The following SYT1 variants were observed in gnomAD, a reference collection of about 807,000 sequenced individuals.
SYT1 encodes the protein synaptotagmin 1, also known as synaptotagmin-1.
In SYT1, 8 loss-of-function variants were observed where a neutral mutation model predicts 44.8. The observed-to-expected ratio is 0.18, with a 90% CI of 0.10 to 0.32. The LOEUF is 0.32. Among genes scored for constraint, SYT1 ranks in the 10% least tolerant of loss-of-function variants. SYT1 has a pLI of 1.00. For missense variants in SYT1, 286 were observed against 509.3 expected (o/e 0.56, Z 4.22); for synonymous variants, 154 against 188.8 (o/e 0.82, Z 1.51).
At chr12:78,962,863 C>T (rs1406335138) in intron 1 of SYT1, among the ~76,000 whole-genome samples, 1 of 152,074 alleles carries the variant, frequency 6.6e-6, no homozygotes, top group Non-Finnish European at 1.5e-5. Flanking sequence ...TTAATGACTT[C>T]CTTTTTCATT....
chr12:79,146,384 T>C (rs1487536661), intron 3 of SYT1, among the ~76,000 whole-genome samples: 1 of 152,210 alleles, frequency 6.6e-6, no homozygotes, highest in Non-Finnish European at 1.5e-5. Context: ...TACTGTCTCA[T>C]TCAATCTTCG....
At chr12:78,913,793 G>C (rs1876483763) in intron 1 of SYT1, among the ~76,000 whole-genome samples, 1 of 151,846 alleles carries the variant, frequency 6.6e-6, no homozygotes, top group Admixed American at 6.6e-5. Context: ...CAGTGATATA[G>C]ATGGTGAACA....
In SYT1 at chr12:79,102,827, T is replaced by A. The variant is rs1031674996; in HGVS notation, c.-18+55465T>A. On this transcript the variant is annotated intron_variant, in intron 3 of 10. Transcript: ENST00000261205. ...CAACAAATTTTAAGTAGGTGGTCATTTGTTCTCTGAGATAATATCCTGATT... is the reference window on the plus strand; with the variant it reads ...CAACAAATTTTAAGTAGGTGGTCATATGTTCTCTGAGATAATATCCTGATT... Among the ~76,000 whole-genome samples, 5 of 152,328 alleles carry A rather than the reference T, an allele frequency of 3.3e-5. No homozygotes were observed. In the South Asian group the frequency reaches 1.0e-3, roughly 32 times the overall value.
chr12:79,300,226 A>G (rs1284726784), intron 8 of SYT1, among the ~76,000 whole-genome samples: 2 of 152,144 alleles, frequency 1.3e-5, no homozygotes, highest in Non-Finnish European at 2.9e-5. Flanking sequence ...ATTGTATCTG[A>G]TTATGCGATG....
chr12:79,444,311 G>A, intron 10 of SYT1, 105 bp downstream of exon 10: 2 of 1,337,512 alleles, frequency 1.5e-6, no homozygotes, highest in Non-Finnish European at 2.1e-6. Flanking sequence ...GCCTTCATTA[G>A]AACTGCCATT....
At chr12:79,317,618 TTA>T (rs1203134446) in intron 8 of SYT1, among the ~76,000 whole-genome samples, 1 of 152,134 alleles carries the variant, frequency 6.6e-6, no homozygotes, top group Non-Finnish European at 1.5e-5. Context: ...TTTAAAATGC[TTA>T]TAGGGCACTG....
At chr12:78,889,743 C>T (rs768744811) in intron 1 of SYT1, among the ~76,000 whole-genome samples, 4 of 151,896 alleles carry the variant, frequency 2.6e-5, no homozygotes, top group Non-Finnish European at 4.4e-5. Flanking sequence ...TACAATGATA[C>T]ATTGTAGTTG....
intron 9 of SYT1, among the ~76,000 whole-genome samples, chr12:79,402,539 C>T (rs1885107759): frequency 6.6e-6 from 1 of 152,132 alleles, no homozygotes; most frequent in Non-Finnish European, 1.5e-5. Flanking sequence ...CAGGTGTTTC[C>T]TCTGTGCTGC....
intron 3 of SYT1, among the ~76,000 whole-genome samples, chr12:79,094,873 A>C (rs532872702): frequency 6.6e-6 from 1 of 152,040 alleles, no homozygotes; most frequent in African/African-American, 2.4e-5. Flanking sequence ...GCTTTAACCA[A>C]GTGTCTAAAG....
intron 3 of SYT1, among the ~76,000 whole-genome samples, chr12:79,209,762 C>T (rs1874331496): frequency 6.6e-6 from 1 of 152,136 alleles, no homozygotes. Context: ...CCCTCACTTA[C>T]GGATTCTACC....
chr12:79,241,838 C>G (rs1476310507), intron 4 of SYT1, among the ~76,000 whole-genome samples: 3 of 151,982 alleles, frequency 2.0e-5, no homozygotes. Flanking sequence ...AAGATCGAAT[C>G]AAGTTAAGGT....
intron 1 of SYT1, among the ~76,000 whole-genome samples, chr12:78,913,085 A>G (rs1225335747): frequency 6.6e-6 from 1 of 151,916 alleles, no homozygotes; most frequent in Non-Finnish European, 1.5e-5. Flanking sequence ...AATGTACACA[A>G]TAATCTTGAT....
At chr12:79,139,175 A>T (rs141686087) in intron 3 of SYT1, among the ~76,000 whole-genome samples, 3 of 152,252 alleles carry the variant, frequency 2.0e-5, no homozygotes, top group Admixed American at 6.5e-5. Context: ...TCACAGCCTC[A>T]TTCCTTATTC....
At chr12:79,262,918 T>C (rs1381479806) in intron 4 of SYT1, among the ~76,000 whole-genome samples, 1 of 152,022 alleles carries the variant, frequency 6.6e-6, no homozygotes, top group African/African-American at 2.4e-5. Context: ...ATAGAGTACA[T>C]AGAAAAGAGA....
At chr12:78,896,089 A>C (rs1875342094) in intron 1 of SYT1, among the ~76,000 whole-genome samples, 1 of 151,806 alleles carries the variant, frequency 6.6e-6, no homozygotes, top group African/African-American at 2.4e-5. Flanking sequence ...ATGTAAATAA[A>C]TTAATGAATT....
chr12:79,078,811 C>A (rs17273791), intron 3 of SYT1, among the ~76,000 whole-genome samples: 2,234 of 152,192 alleles, frequency 0.015, 27 homozygotes, highest in Middle Eastern at 0.075. Flanking sequence ...CAGAAAGAAA[C>A]GGGAGCGTTA....
intron 4 of SYT1, among the ~76,000 whole-genome samples, chr12:79,258,919 A>G (rs1326454109): frequency 6.6e-6 from 1 of 152,234 alleles, no homozygotes; most frequent in African/African-American, 2.4e-5. Context: ...AAAATTGTAT[A>G]TGCTGGGATG....
At position 79,084,684 on chromosome 12, in the gene SYT1, G is replaced by A. The variant is rs113593774; in HGVS notation, c.-18+37322G>A. Among the ~76,000 whole-genome samples the A allele has an allele frequency of 5.8e-3, 885 of 152,126 alleles. 11 individuals are homozygous for A. The highest frequency in any genetic ancestry group is 0.018 in the African/African-American group (736 of 41,518). The stretch of plus-strand genomic sequence containing the variant: ...GTTCAGAGGAAGGCCTGTACAATTG[G>A]CCAATCTATAACTTTGATACCAGTG... On this transcript the variant is annotated intron_variant, in intron 3 of 10. Transcript: ENST00000261205.
chr12:79,424,295 A>G (rs374616391), intron 9 of SYT1, among the ~76,000 whole-genome samples: 1 of 152,064 alleles, frequency 6.6e-6, no homozygotes, highest in East Asian at 1.9e-4. Flanking sequence ...AAAACAAATA[A>G]CCACAGAGAG....
Sources: gnomAD v4.1 joint callset for allele counts (sites outside exome capture counted in the v4.1 genomes callset) on GRCh38, gnomAD v4.1.1 for gene constraint, MANE v1.5 for transcripts, NCBI Gene and HGNC (gene_info 2026-07-23, HGNC 2026-07-21) for gene names.